Variants in EGLN1 observed in about 807,000 individuals in gnomAD.
EGLN1 encodes the protein egl-9 family hypoxia inducible factor 1.
Under a neutral mutation model 38.3 loss-of-function variants are expected in EGLN1, and 17 were observed. The ratio of observed to expected loss-of-function variants is 0.44; its 90% CI spans 0.30 to 0.67. The LOEUF (loss-of-function observed/expected upper bound fraction) is 0.67. Among genes scored for constraint, EGLN1 ranks in the 30% least tolerant of loss-of-function variants. The pLI is 0.08. For missense variants in EGLN1, 477 were observed against 603.3 expected, an observed-to-expected ratio of 0.79 and a Z score of 2.19; for synonymous variants, 283 against 257.5, an observed-to-expected ratio of 1.10 and a Z score of -0.95.
chr1:231,398,071 A>G (rs1688575983), intron 1 of EGLN1, among the ~76,000 whole-genome samples: 1 of 152,248 alleles, frequency 6.6e-6, no homozygotes, highest in Non-Finnish European at 1.5e-5. Flanking sequence ...TATGAGAATT[A>G]TTTCTGGAAT....
At position 231,407,482 on chromosome 1, in the gene EGLN1, C is replaced by T. The variant is rs1287338672; in HGVS notation, c.891+13516G>A. Among the ~76,000 whole-genome samples, 7 of 152,096 alleles carry T rather than the reference C, an allele frequency of 4.6e-5. No homozygotes were observed. The East Asian group carries it at 1.2e-3, about 25-fold the overall frequency. On this transcript the variant is annotated intron_variant, in intron 1 of 4. Coordinates refer to ENST00000366641, the MANE Select transcript of EGLN1 (RefSeq NM_022051.3). ...TTGAAAATTTTACTCTGCACATCAA[C>T]GTGGTATCAATGTTGAACTTTGCAT... is the stretch of plus-strand genomic sequence containing the variant.
Position 231,421,398 on chromosome 1 carries a change from G to T in EGLN1, c.491C>A (p.Pro164His). 6.2e-7 allele frequency: 1 copy of T among 1,603,656 alleles called. No individual in the cohort carries two copies. Among genetic ancestry groups the T allele is most frequent in the Non-Finnish European group, 8.5e-7 (1 of 1,174,138 alleles). The change falls in exon 1 of 5, where the codon CCC becomes CAC. Residue 164 changes from proline to histidine, a missense_variant. Coordinates refer to ENST00000366641, the MANE Select transcript of EGLN1 (RefSeq NM_022051.3). This position sits in a 1 kb window ranked among gnomAD's most constrained non-coding sequence, Gnocchi z 5.5. ...CGCATCCCCGGGCGTGTTGCTTGGG[G>T]GGTACAGGTTCGCCTTCTCCTGGAA... Reference protein sequence around the residue: ...SLFQEKANLYPPSNTPGDALS... With the variant: ...SLFQEKANLYHPSNTPGDALS...
In EGLN1 at chr1:231,421,493, G is replaced by A. The variant is rs748371954; in HGVS notation, c.396C>T (p.Gly132=). 7 of 1,345,802 alleles carry A rather than the reference G, an allele frequency of 5.2e-6. No homozygotes were observed. The South Asian group carries it at 8.7e-5, about 17-fold the overall frequency. The allele number at this position is 1,345,802 out of a possible 1,614,324, so 83.4% of individuals were successfully genotyped here. Residue 132 remains glycine, a synonymous_variant, in exon 1 of 5, where the codon GGC becomes GGT. Coordinates refer to ENST00000366641, the MANE Select transcript of EGLN1 (RefSeq NM_022051.3). This position sits in a 1 kb window ranked among gnomAD's most constrained non-coding sequence, Gnocchi z 5.5. ...AAASPCRAAA[G]GQGSAVAAEA... ...CGGCAGCCACCGCCGAGCCCTGGCC[G>A]CCGGCGGCCGCACGACACGGCGACG...
chr1:231,402,432 TCTTA>T (rs1402490097), intron 1 of EGLN1, among the ~76,000 whole-genome samples: 1 of 151,672 alleles, frequency 6.6e-6, no homozygotes, highest in South Asian at 2.1e-4. Context: ...TGGATTTAGG[TCTTA>T]CTTTTTTTTT....
At chr1:231,386,663 T>C (rs936524225) in intron 1 of EGLN1, among the ~76,000 whole-genome samples, 2 of 152,240 alleles carry the variant, frequency 1.3e-5, no homozygotes, top group East Asian at 3.8e-4. Context: ...TTTATTCTTG[T>C]ACTCCTAGTG....
intron 1 of EGLN1, among the ~76,000 whole-genome samples, chr1:231,419,484 C>T (rs1656490653): frequency 6.6e-6 from 1 of 152,164 alleles, no homozygotes; most frequent in Admixed American, 6.5e-5. Flanking sequence ...TCTTCACAGC[C>T]CTATTGTCTC....
chr1:231,381,619 T>C (rs369162087), intron 1 of EGLN1, among the ~76,000 whole-genome samples: 1 of 152,348 alleles, frequency 6.6e-6, no homozygotes, highest in African/African-American at 2.4e-5. Flanking sequence ...CAGTATAATC[T>C]AGAGATATGT....
chr1:231,372,731 A>C (rs1487841875), intron 2 of EGLN1, among the ~76,000 whole-genome samples: 1 of 152,228 alleles, frequency 6.6e-6, no homozygotes, highest in Non-Finnish European at 1.5e-5. Context: ...ACTAGGGCAG[A>C]GAAAACTCTT....
At chr1:231,391,245 C>T (rs1427153966) in intron 1 of EGLN1, among the ~76,000 whole-genome samples, 1 of 114,892 alleles carries the variant, frequency 8.7e-6, no homozygotes, top group Admixed American at 9.1e-5. Flanking sequence ...GCCACCATGC[C>T]CAGCTGGTAT....
At chr1:231,399,851 G>A (rs1220083851) in intron 1 of EGLN1, among the ~76,000 whole-genome samples, 1 of 152,062 alleles carries the variant, frequency 6.6e-6, no homozygotes, top group Non-Finnish European at 1.5e-5. Context: ...AATGGTTAAG[G>A]AGAAAAACAC....
At chr1:231,371,252 T>C (rs931861375) in intron 2 of EGLN1, among the ~76,000 whole-genome samples, 30 of 152,350 alleles carry the variant, frequency 2.0e-4, no homozygotes, top group Middle Eastern at 3.4e-3. Flanking sequence ...TTAAAAGTCT[T>C]AAAATGATGC....
At chr1:231,420,846 C>T in intron 1 of EGLN1, 152 bp downstream of exon 1, 1 of 1,489,294 alleles carries the variant, frequency 6.7e-7, no homozygotes, top group South Asian at 1.2e-5. Flanking sequence ...ACTACAAATT[C>T]TGTCCGTCTT....
chr1:231,417,148 G>A (rs1689104779), intron 1 of EGLN1, among the ~76,000 whole-genome samples: 3 of 151,834 alleles, frequency 2.0e-5, no homozygotes, highest in African/African-American at 7.2e-5. Flanking sequence ...CCACATCTCT[G>A]TTAGTGATAA....
At chr1:231,396,966 T>TTA (rs1688545315) in intron 1 of EGLN1, among the ~76,000 whole-genome samples, 2 of 152,332 alleles carry the variant, frequency 1.3e-5, no homozygotes, top group East Asian at 3.9e-4. Flanking sequence ...AAAGAAGCTC[T>TTA]TATCTTTTGC....
chr1:231,374,171 T>A, intron 1 of EGLN1, 72 bp from the exon 2 acceptor site: 1 of 1,421,472 alleles, frequency 7.0e-7, no homozygotes, highest in Non-Finnish European at 9.9e-7. Flanking sequence ...ATAAATCAGA[T>A]CTCTGATTTT....
intron 1 of EGLN1, among the ~76,000 whole-genome samples, chr1:231,406,005 C>T (rs1333757048): frequency 1.9e-5 from 2 of 106,380 alleles, no homozygotes; most frequent in East Asian, 3.4e-4. Context: ...ATTCCCCAGC[C>T]GCGGAGCACT....
chr1:231,390,477 T>C (rs192527170), intron 1 of EGLN1, among the ~76,000 whole-genome samples: 4 of 152,354 alleles, frequency 2.6e-5, no homozygotes, highest in Admixed American at 1.3e-4. Flanking sequence ...TCTCATTTTG[T>C]AGACAAAGAA....
At chr1:231,391,110 G>GTC (rs1688369351) in intron 1 of EGLN1, among the ~76,000 whole-genome samples, 1 of 151,008 alleles carries the variant, frequency 6.6e-6, no homozygotes, top group Non-Finnish European at 1.5e-5. Flanking sequence ...GTGTGTGTGT[G>GTC]TGTGTGTGTG....
chr1:231,377,821 A>G (rs1184380008), intron 1 of EGLN1, among the ~76,000 whole-genome samples: 4 of 152,336 alleles, frequency 2.6e-5, no homozygotes, highest in South Asian at 2.1e-4. Context: ...TTTAACCCCA[A>G]CCTTAAACTA....
Sources: allele counts gnomAD v4.1 joint callset (sites outside exome capture counted in the v4.1 genomes callset), GRCh38; gene constraint gnomAD v4.1.1; non-coding constraint Gnocchi (gnomAD v3.1); transcripts MANE v1.5; gene names NCBI Gene and HGNC (gene_info 2026-07-23, HGNC 2026-07-21).